The following PGAM1 variants were observed in gnomAD, a reference collection of about 807,000 sequenced individuals.
PGAM1 encodes BPG-dependent PGAM 1.
Under a neutral mutation model 23.5 loss-of-function variants are expected in PGAM1, and 21 were observed. That is an observed-to-expected ratio of 0.89 (90% CI 0.63 to 1.29). PGAM1 has a LOEUF of 1.29. PGAM1 is among the 50% of genes most tolerant of loss of function. PGAM1 has a pLI of 0.00. For missense variants in PGAM1, 232 were observed against 336.3 expected (o/e 0.69, Z 2.42); for synonymous variants, 109 against 128.6 (o/e 0.85, Z 1.03).
At chr10:97,426,923 A>G (rs1003849704) in intron 1 of PGAM1, among the ~76,000 whole-genome samples, 1 of 152,032 alleles carries the variant, frequency 6.6e-6, no homozygotes, top group African/African-American at 2.4e-5. Context: ...AATCCCAGCT[A>G]CTCGGGAGGC....
rs1338279391 is a variant in PGAM1, at chr10:97,433,314, T to A, written c.*790T>A. 6.6e-6 allele frequency: 1 copy of A among 151,838 alleles called. No homozygotes were observed. Among genetic ancestry groups the A allele is most frequent in the African/African-American group, 2.4e-5 (1 of 41,146 alleles). The allele number at this position is 151,838 out of a possible 1,614,324, so 9.4% of individuals were successfully genotyped here. A position where few individuals can be genotyped will look rare whatever the true frequency, so the allele number is the denominator to read the frequency against. Reference sequence around the variant, plus strand: ...AATGCCTCTTGGTCCTGTCCAAGTGTATCTTTCACTGATTTCTGAATCATG... The same window carrying A: ...AATGCCTCTTGGTCCTGTCCAAGTGAATCTTTCACTGATTTCTGAATCATG... On this transcript the variant is annotated 3_prime_UTR_variant, in exon 4 of 4. Transcript: ENST00000334828.
Position 97,432,394 on chromosome 10 carries a change from C to T in PGAM1, c.635C>T (p.Thr212Ile). The T allele has an allele frequency of 6.2e-7, 1 of 1,612,070 alleles. No individual in the cohort carries two copies. Among genetic ancestry groups the T allele is most frequent in the Non-Finnish European group, 8.5e-7 (1 of 1,179,942 alleles). ...EEAIMELNLP[T>I]GIPIVYELDK... is the part of the protein sequence containing the mutation. The stretch of plus-strand genomic sequence containing the variant: ...GCTATCATGGAGCTGAACCTGCCGA[C>T]TGGTATTCCCATTGTCTATGAATTG... The change falls in exon 4 of 4, where the codon ACT (threonine) becomes ATT (isoleucine). Residue 212 changes from threonine to isoleucine, a missense_variant. Physicochemically the swap from Thr to Ile is moderately conservative, Grantham distance 89. Coordinates refer to ENST00000334828, the MANE Select transcript of PGAM1 (RefSeq NM_002629.4).
chr10:97,431,545 C>T (rs1017604729), intron 3 of PGAM1, among the ~76,000 whole-genome samples: 6 of 152,118 alleles, frequency 3.9e-5, no homozygotes, highest in African/African-American at 1.4e-4. Context: ...TTTGGGAGGC[C>T]AAGGCAGGAG....
At chr10:97,428,558 A>G (rs1197865851) in intron 1 of PGAM1, among the ~76,000 whole-genome samples, 1 of 152,334 alleles carries the variant, frequency 6.6e-6, no homozygotes, top group East Asian at 1.9e-4. Context: ...TTTCTCCTTG[A>G]GGACCTATTT....
chr10:97,427,810 A>C (rs932360765), intron 1 of PGAM1: 21 of 1,289,308 alleles, frequency 1.6e-5, no homozygotes, highest in East Asian at 5.5e-5. Context: ...CTGGACAAAG[A>C]AGCAGCCATT....
At position 97,430,858 on chromosome 10, in the gene PGAM1, C is replaced by T. The variant is rs1487344019; in HGVS notation, c.415-97C>T. 4 of 1,542,984 alleles carry T rather than the reference C, an allele frequency of 2.6e-6. No individual in the cohort carries two copies. The Admixed American group carries it at 6.8e-5, about 26-fold the overall frequency. On this transcript the variant is annotated intron_variant, in intron 2 of 3. Coordinates refer to ENST00000334828, the MANE Select transcript of PGAM1 (RefSeq NM_002629.4). ...GTTTCCATAGTCAGATTTTATAAAA[C>T]CCTGTGAATGTGAATGGGCCAAAAT...
intron 1 of PGAM1, chr10:97,427,166 T>G (rs776502955): frequency 6.3e-6 from 3 of 475,176 alleles, no homozygotes; most frequent in African/African-American, 2.1e-5. Flanking sequence ...GAGGACGCCC[T>G]GTGCCTTAAA....
intron 1 of PGAM1, 130 bp from the exon 2 acceptor site, chr10:97,430,249 G>A: frequency 1.8e-6 from 2 of 1,120,000 alleles, no homozygotes; most frequent in South Asian, 1.2e-5. Context: ...AAACAAAACA[G>A]TTGGCCAAAT....
intron 1 of PGAM1, chr10:97,427,783 T>C (rs894739489): frequency 3.2e-5 from 41 of 1,289,000 alleles, no homozygotes; most frequent in Non-Finnish European, 4.0e-5. Flanking sequence ...AGATCCTCCT[T>C]TGCTCCCTTC....
chr10:97,426,207 G>A lies in PGAM1; in HGVS notation c.-101G>A. 1 of 1,558,292 alleles carries A rather than the reference G, an allele frequency of 6.4e-7. No homozygotes were observed. The highest frequency in any genetic ancestry group is 8.8e-7 in the Non-Finnish European group (1 of 1,137,938). On this transcript the variant is annotated 5_prime_UTR_variant, in exon 1 of 4. Coordinates refer to ENST00000334828, the MANE Select transcript of PGAM1 (RefSeq NM_002629.4). The stretch of plus-strand genomic sequence containing the variant: ...GATTTGGGCGAGAACTTGCGCGGGA[G>A]CCGGACTGAGCGGTGCGAGCGCGCA...
rs1231464250 is a variant in PGAM1, at chr10:97,430,658, G to A, written c.414+5G>A. 6 of 1,602,996 alleles carry A rather than the reference G, an allele frequency of 3.7e-6. No individual in the cohort carries two copies. Among genetic ancestry groups the A allele is most frequent in the Non-Finnish European group, 5.1e-6 (6 of 1,179,978 alleles). ...TTCTACAGCAACATCAGTAAGGTAT[G>A]GACAAACAGAGGTTTGGTCACTCCG... is the stretch of plus-strand genomic sequence containing the variant. On this transcript the variant is annotated splice_donor_5th_base_variant and intron_variant, in intron 2 of 3. Transcript: ENST00000334828.
intron 1 of PGAM1, chr10:97,427,947 G>A (rs1346552201): frequency 3.1e-6 from 4 of 1,281,142 alleles, no homozygotes; most frequent in East Asian, 5.6e-5. Context: ...AAACCTCTGC[G>A]GGGTGGGGTG....
chr10:97,426,771 C>T (rs1278368838), intron 1 of PGAM1, among the ~76,000 whole-genome samples: 1 of 152,228 alleles, frequency 6.6e-6, no homozygotes, highest in Non-Finnish European at 1.5e-5. Context: ...TGGTGGCTCA[C>T]GCCTGTAATC....
intron 3 of PGAM1, among the ~76,000 whole-genome samples, chr10:97,431,422 A>G (rs1845470645): frequency 6.6e-6 from 1 of 152,204 alleles, no homozygotes; most frequent in African/African-American, 2.4e-5. Context: ...TGATTTGGAT[A>G]CACATTAAAG....
At chr10:97,431,470 A>G (rs1226608084) in intron 3 of PGAM1, among the ~76,000 whole-genome samples, 1 of 152,230 alleles carries the variant, frequency 6.6e-6, no homozygotes, top group Non-Finnish European at 1.5e-5. Flanking sequence ...TTGTCAAATG[A>G]AACTGCTAGT....
intron 1 of PGAM1, chr10:97,427,607 C>T (rs1845424395): frequency 8.5e-7 from 1 of 1,174,504 alleles, no homozygotes; most frequent in Admixed American, 3.8e-5. Flanking sequence ...GCTAAGGACG[C>T]TGGGCAAAGG....
chr10:97,430,692 CA>C, intron 2 of PGAM1, 39 bp downstream of exon 2: 1 of 1,602,010 alleles, frequency 6.2e-7, no homozygotes, highest in Non-Finnish European at 8.5e-7. Context: ...CGCCCAGGAT[CA>C]GGGGCTTTTA....
At chr10:97,431,617 A>G (rs1845472776) in intron 3 of PGAM1, among the ~76,000 whole-genome samples, 2 of 152,062 alleles carry the variant, frequency 1.3e-5, no homozygotes, top group Admixed American at 6.6e-5. Flanking sequence ...CATCTCTACA[A>G]AATTTTAAAA....
At position 97,427,869 on chromosome 10, in the gene PGAM1, C is replaced by G. The variant is rs772817950; in HGVS notation, c.139+1423C>G. 3.1e-6 allele frequency: 4 copies of G among 1,289,356 alleles called. No homozygotes were observed. In the South Asian group the frequency reaches 4.9e-5, roughly 16 times the overall value. The allele number at this position is 1,289,356 out of a possible 1,614,324, so 79.9% of individuals were successfully genotyped here. A position where few individuals can be genotyped will look rare whatever the true frequency, so the allele number is the denominator to read the frequency against. Reference sequence around the variant, plus strand: ...AGGTATTTGGCCTCAGATTGCTCTCCTAGCTTCTTGCCTTCACTGTACCAT... The same window carrying G: ...AGGTATTTGGCCTCAGATTGCTCTCGTAGCTTCTTGCCTTCACTGTACCAT... On this transcript the variant is annotated intron_variant, in intron 1 of 3. Coordinates refer to ENST00000334828, the MANE Select transcript of PGAM1 (RefSeq NM_002629.4).
Sources: allele counts gnomAD v4.1 joint callset (sites outside exome capture counted in the v4.1 genomes callset), GRCh38; gene constraint gnomAD v4.1.1; transcripts MANE v1.5; gene names NCBI Gene and HGNC (gene_info 2026-07-23, HGNC 2026-07-21).